Variants in HMCN1 observed in about 807,000 individuals in gnomAD.
HMCN1 encodes hemicentin 1.
Under a neutral mutation model 625.9 loss-of-function variants are expected in HMCN1, and 321 were observed. That is an observed-to-expected ratio of 0.51 (90% CI 0.47 to 0.56). The LOEUF (loss-of-function observed/expected upper bound fraction) is 0.56. Among genes scored for constraint, HMCN1 ranks in the 20% least tolerant of loss-of-function variants. HMCN1 has a pLI of 0.00. For missense variants in HMCN1, 6,588 were observed against 6,887.3 expected (o/e 0.96, Z 1.54); for synonymous variants, 2,425 against 2,417.6 (o/e 1.00, Z -0.09).
chr1:186,098,786 A>G (rs1285643191), intron 68 of HMCN1, among the ~76,000 whole-genome samples: 2 of 152,154 alleles, frequency 1.3e-5, no homozygotes, highest in Admixed American at 6.6e-5. Flanking sequence ...ATGTTCAACA[A>G]TGGATGAATG....
At chr1:185,946,864 A>G (rs1345483528) in intron 11 of HMCN1, among the ~76,000 whole-genome samples, 1 of 152,244 alleles carries the variant, frequency 6.6e-6, no homozygotes, top group Non-Finnish European at 1.5e-5. Flanking sequence ...ATACATCCTT[A>G]CAACCTATAC....
intron 1 of HMCN1, among the ~76,000 whole-genome samples, chr1:185,746,855 C>T (rs1654439844): frequency 6.6e-6 from 1 of 152,024 alleles, no homozygotes; most frequent in Non-Finnish European, 1.5e-5. Context: ...CATCTGCCCA[C>T]CTCAGCCGCC....
intron 89 of HMCN1, among the ~76,000 whole-genome samples, chr1:186,138,210 T>A (rs1649739248): frequency 6.6e-6 from 1 of 152,146 alleles, no homozygotes; most frequent in African/African-American, 2.4e-5. Context: ...GGGTCCAAAC[T>A]GGAGTGTATT....
intron 47 of HMCN1, 51 bp downstream of exon 47, chr1:186,062,015 C>A (rs1657737895): frequency 1.7e-6 from 2 of 1,143,360 alleles, no homozygotes; most frequent in South Asian, 1.3e-5. Context: ...GCCTTAAATC[C>A]TGGAAGCAGA....
At chr1:186,114,660 G>A (rs573095625) in intron 73 of HMCN1, among the ~76,000 whole-genome samples, 159 bp from the exon 74 acceptor site, 111 of 152,180 alleles carry the variant, frequency 7.3e-4, no homozygotes, top group African/African-American at 2.1e-3. Flanking sequence ...CCTTTGCATC[G>A]TAGCCTTTTC....
At chr1:186,005,394 G>GTTTATAAATGTTTATGAACAAT (rs1653535695) in intron 29 of HMCN1, among the ~76,000 whole-genome samples, 2 of 121,088 alleles carry the variant, frequency 1.7e-5, no homozygotes, top group African/African-American at 7.0e-5. Flanking sequence ...TTATAAACAA[G>GTTTATAAATGTTTATGAACAAT]TTTTTAATTG....
At chr1:186,115,523 C>G (rs1437628447) in intron 75 of HMCN1, 109 bp downstream of exon 75, 5 of 1,049,176 alleles carry the variant, frequency 4.8e-6, no homozygotes, top group Non-Finnish European at 7.1e-6. Context: ...AACAAATTAG[C>G]TAGCATATAG....
At chr1:186,076,751 C>A in intron 54 of HMCN1, 129 bp downstream of exon 54, 2 of 811,772 alleles carry the variant, frequency 2.5e-6, no homozygotes, top group Non-Finnish European at 2.1e-6. Context: ...CTGCTGAATG[C>A]CACTGGCATC....
Position 186,117,113 on chromosome 1 carries a change from A to G in HMCN1, c.11681A>G (p.Gln3894Arg). 6.2e-7 allele frequency: 1 copy of G among 1,613,310 alleles called. No individual in the cohort carries two copies. The highest frequency in any genetic ancestry group is 8.5e-7 in the Non-Finnish European group (1 of 1,179,458). ...AAAAGAACTGTGGATCTCACTGTCCAAGGTAGAATTGGCTTGGAACATGGA... is the reference window on the plus strand; with the variant it reads ...AAAAGAACTGTGGATCTCACTGTCCGAGGTAGAATTGGCTTGGAACATGGA... ...DDKRTVDLTV[Q>R]VPPSIADEPT... The change falls in exon 76 of 107, where the codon CAA becomes CGA. Residue 3894 changes from glutamine to arginine, a missense_variant and splice_region_variant. This residue lies in a region of HMCN1 where 4,628 missense variants were observed against 4,853.1 expected (regional missense o/e 0.95). Coordinates refer to ENST00000271588, the MANE Select transcript of HMCN1 (RefSeq NM_031935.3).
chr1:185,834,661 G>A (rs1421977964), intron 1 of HMCN1, among the ~76,000 whole-genome samples: 2 of 152,116 alleles, frequency 1.3e-5, no homozygotes, highest in African/African-American at 4.8e-5. Flanking sequence ...TTTAGAAGCA[G>A]GGCATTACGT....
intron 4 of HMCN1, among the ~76,000 whole-genome samples, chr1:185,886,176 C>G (rs1207544148): frequency 6.6e-6 from 1 of 150,422 alleles, no homozygotes; most frequent in African/African-American, 2.5e-5. Flanking sequence ...CTCAGAGCTT[C>G]AAATACTTAT....
chr1:186,092,536 G>A (rs1303182347), intron 64 of HMCN1, among the ~76,000 whole-genome samples: 1 of 151,906 alleles, frequency 6.6e-6, no homozygotes, highest in African/African-American at 2.4e-5. Context: ...GTAATTAATG[G>A]TGTGTGAGGA....
At chr1:186,057,204 A>G (rs367557485) in intron 45 of HMCN1, 30 bp from the exon 46 acceptor site, 3 of 1,585,920 alleles carry the variant, frequency 1.9e-6, no homozygotes, top group Non-Finnish European at 2.6e-6. Flanking sequence ...TAATATTTCC[A>G]TTCCCTGTTT....
chr1:186,062,480 G>A, intron 47 of HMCN1, 34 bp from the exon 48 acceptor site: 1 of 1,265,386 alleles, frequency 7.9e-7, no homozygotes, highest in South Asian at 1.2e-5. Context: ...TTGCTGTTAA[G>A]AGCTGTTATT....
At chr1:186,042,262 TTCC>T (rs779636643) in intron 40 of HMCN1, among the ~76,000 whole-genome samples, 1 of 152,170 alleles carries the variant, frequency 6.6e-6, no homozygotes, top group Non-Finnish European at 1.5e-5. Flanking sequence ...GAATTTTAAC[TTCC>T]TCCCTGAATT....
chr1:185,989,165 G>A (rs1168932412), intron 20 of HMCN1, among the ~76,000 whole-genome samples: 4 of 151,678 alleles, frequency 2.6e-5, no homozygotes, highest in Non-Finnish European at 5.9e-5. Flanking sequence ...CTGCCACCTC[G>A]CCCGGCTAAT....
chr1:185,762,605 T>A (rs1437867989), intron 1 of HMCN1, among the ~76,000 whole-genome samples: 1 of 152,120 alleles, frequency 6.6e-6, no homozygotes, highest in Non-Finnish European at 1.5e-5. Flanking sequence ...CCCATCTTAG[T>A]GATAAAGTCA....
At chr1:185,993,734 CTT>C (rs1031264719) in intron 23 of HMCN1, among the ~76,000 whole-genome samples, 47 of 152,242 alleles carry the variant, frequency 3.1e-4, no homozygotes, top group Non-Finnish European at 5.3e-4. Flanking sequence ...TCCTAGGACT[CTT>C]TGACTACAGC....
intron 1 of HMCN1, among the ~76,000 whole-genome samples, chr1:185,828,055 T>C (rs2102282510): frequency 6.6e-6 from 1 of 152,270 alleles, no homozygotes; most frequent in South Asian, 2.1e-4. Flanking sequence ...GGGAATATTG[T>C]TTACATGAAA....
Sources: gnomAD v4.1 joint callset for allele counts (sites outside exome capture counted in the v4.1 genomes callset) on GRCh38, gnomAD v4.1.1 for gene constraint, gnomAD v4.1.1 regional missense constraint, MANE v1.5 for transcripts, NCBI Gene and HGNC (gene_info 2026-07-23, HGNC 2026-07-21) for gene names.